PDE11A: variants seen among roughly 807,000 people sequenced by gnomAD.
The protein encoded by PDE11A is phosphodiesterase 11A.
Under a neutral mutation model 100.5 loss-of-function variants are expected in PDE11A, and 100 were observed. The ratio of observed to expected loss-of-function variants is 1.00; its 90% CI spans 0.85 to 1.18. The LOEUF (loss-of-function observed/expected upper bound fraction) is 1.18. Ranked by LOEUF, PDE11A falls within the 50% of genes most tolerant of loss-of-function variation. The pLI, the probability that PDE11A is intolerant of heterozygous loss-of-function variation, is 0.00. For missense variants in PDE11A, 1,141 were observed against 1,152.6 expected, an observed-to-expected ratio of 0.99 and a Z score of 0.15; for synonymous variants, 381 against 420.8, an observed-to-expected ratio of 0.91 and a Z score of 1.16.
intron 10 of PDE11A, among the ~76,000 whole-genome samples, chr2:177,739,023 T>G (rs1301160036): frequency 3.3e-5 from 5 of 152,186 alleles, no homozygotes; most frequent in Non-Finnish European, 7.4e-5. Context: ...GCATTGCCAG[T>G]AACAATAAGT....
chr2:177,726,820 TC>T (rs534848451), intron 12 of PDE11A, among the ~76,000 whole-genome samples: 156 of 152,174 alleles, frequency 1.0e-3, no homozygotes, highest in African/African-American at 3.8e-3. Flanking sequence ...AGACTCACAT[TC>T]TTTTTTTTTG....
intron 2 of PDE11A, among the ~76,000 whole-genome samples, chr2:178,079,721 T>C (rs2087259363): frequency 6.6e-6 from 1 of 152,166 alleles, no homozygotes; most frequent in Admixed American, 6.5e-5. Flanking sequence ...TCACACTGTC[T>C]TCCACAAAGG....
intron 2 of PDE11A, among the ~76,000 whole-genome samples, chr2:178,085,531 A>G (rs1473904257): frequency 9.4e-6 from 1 of 106,214 alleles, no homozygotes; most frequent in African/African-American, 2.8e-5. Flanking sequence ...CTAAAACAAT[A>G]GTTGAAATAA....
intron 6 of PDE11A, among the ~76,000 whole-genome samples, chr2:177,824,738 T>C (rs929122989): frequency 6.6e-6 from 1 of 152,206 alleles, no homozygotes; most frequent in Non-Finnish European, 1.5e-5. Flanking sequence ...GTTGGTTAAG[T>C]AAATCATAGC....
chr2:177,784,592 T>C (rs1278988396), intron 9 of PDE11A, among the ~76,000 whole-genome samples: 1 of 152,234 alleles, frequency 6.6e-6, no homozygotes, highest in Non-Finnish European at 1.5e-5. Context: ...TTCCTTTAGT[T>C]AATAAAGTTG....
At chr2:177,640,398 A>G (rs1426153486) in intron 19 of PDE11A, among the ~76,000 whole-genome samples, 1 of 152,242 alleles carries the variant, frequency 6.6e-6, no homozygotes, top group Non-Finnish European at 1.5e-5. Context: ...ATCTCTGCTC[A>G]GATTCTTCAG....
intron 2 of PDE11A, among the ~76,000 whole-genome samples, chr2:177,954,058 CTG>C (rs1416378798): frequency 2.0e-5 from 3 of 151,568 alleles, no homozygotes; most frequent in African/African-American, 4.9e-5. Context: ...ATACTAGTGA[CTG>C]TATATTATTT....
chr2:177,675,246 C>T (rs2080750674), intron 17 of PDE11A, among the ~76,000 whole-genome samples: 2 of 138,224 alleles, frequency 1.4e-5, no homozygotes, highest in Admixed American at 7.8e-5. Context: ...AATACTATTG[C>T]TTAGTGAAAG....
chr2:177,874,012 G>C (rs1386611472), intron 5 of PDE11A, among the ~76,000 whole-genome samples: 1 of 152,084 alleles, frequency 6.6e-6, no homozygotes, highest in Non-Finnish European at 1.5e-5. Context: ...TGAGAATTTA[G>C]TTTCTACTAA....
chr2:177,955,701 T>C (rs985005319), intron 2 of PDE11A, among the ~76,000 whole-genome samples: 1 of 151,948 alleles, frequency 6.6e-6, no homozygotes, highest in Non-Finnish European at 1.5e-5. Context: ...GGTACTGGTA[T>C]CAAAACAGAG....
intron 2 of PDE11A, among the ~76,000 whole-genome samples, chr2:177,987,110 A>T (rs1161303999): frequency 6.6e-6 from 1 of 152,132 alleles, no homozygotes; most frequent in Non-Finnish European, 1.5e-5. Flanking sequence ...CATGAAGACC[A>T]TGTCCCCCAA....
intron 12 of PDE11A, among the ~76,000 whole-genome samples, chr2:177,722,274 T>G (rs2081541016): frequency 6.6e-6 from 1 of 152,164 alleles, no homozygotes; most frequent in Admixed American, 6.6e-5. Context: ...CTTTTACAAT[T>G]TACATGTCCT....
At chr2:177,741,009 AATGAT>A (rs1219865869) in intron 10 of PDE11A, among the ~76,000 whole-genome samples, 20 of 152,234 alleles carry the variant, frequency 1.3e-4, no homozygotes, top group Non-Finnish European at 4.4e-5. Flanking sequence ...AAGGGAACAC[AATGAT>A]AACTATCTTA....
intron 2 of PDE11A, among the ~76,000 whole-genome samples, chr2:178,089,886 T>TG (rs2087399894): frequency 6.6e-6 from 1 of 152,186 alleles, no homozygotes; most frequent in Non-Finnish European, 1.5e-5. Context: ...CTGAAAAACC[T>TG]AGGCCCTTTC....
intron 1 of PDE11A, among the ~76,000 whole-genome samples, chr2:178,057,908 A>G (rs1404995120): frequency 2.0e-5 from 3 of 152,032 alleles, no homozygotes; most frequent in Non-Finnish European, 4.4e-5. Context: ...CCCAGGCTGG[A>G]GTGCAGAGGC....
intron 9 of PDE11A, among the ~76,000 whole-genome samples, chr2:177,770,490 G>A (rs992128481): frequency 8.5e-5 from 13 of 152,222 alleles, no homozygotes; most frequent in Non-Finnish European, 1.3e-4. Context: ...CTATAGGGTG[G>A]CCTTTATGAC....
intron 19 of PDE11A, among the ~76,000 whole-genome samples, chr2:177,651,794 T>A (rs1177442655): frequency 3.9e-5 from 6 of 152,174 alleles, no homozygotes; most frequent in Non-Finnish European, 7.3e-5. Context: ...CCTTTTTTGT[T>A]ATTTTATGGT....
At chr2:177,729,875 C>T (rs747691052) in intron 10 of PDE11A, among the ~76,000 whole-genome samples, 3 of 150,154 alleles carry the variant, frequency 2.0e-5, no homozygotes, top group Non-Finnish European at 4.4e-5. Context: ...TCCAGTGTAT[C>T]TATTACAGGT....
intron 10 of PDE11A, among the ~76,000 whole-genome samples, chr2:177,740,161 G>T (rs2081852206): frequency 6.6e-6 from 1 of 152,200 alleles, no homozygotes; most frequent in South Asian, 2.1e-4. Flanking sequence ...CCTGGACTGT[G>T]TTGTTGGTGA....
Sources: allele counts gnomAD v4.1 joint callset (sites outside exome capture counted in the v4.1 genomes callset), GRCh38; gene constraint gnomAD v4.1.1; transcripts MANE v1.5; gene names NCBI Gene and HGNC (gene_info 2026-07-23, HGNC 2026-07-21).